RAP1GAP: variants seen among roughly 807,000 people sequenced by gnomAD.
RAP1GAP encodes the protein RAP1 GTPase activating protein.
Under a neutral mutation model 87.2 loss-of-function variants are expected in RAP1GAP, and 35 were observed. The observed-to-expected ratio is 0.40, with a 90% CI of 0.31 to 0.53. The LOEUF is 0.53. Ranked by LOEUF, RAP1GAP falls within the 20% of genes least tolerant of loss-of-function variation. The pLI, the probability that RAP1GAP is intolerant of heterozygous loss-of-function variation, is 0.48. For missense variants in RAP1GAP, 734 were observed against 898.9 expected, an observed-to-expected ratio of 0.82 and a Z score of 2.35; for synonymous variants, 375 against 363.9, an observed-to-expected ratio of 1.03 and a Z score of -0.35.
chr1:21,651,225 A>C (rs2096536741), intron 1 of RAP1GAP, among the ~76,000 whole-genome samples: 1 of 152,212 alleles, frequency 6.6e-6, no homozygotes, highest in African/African-American at 2.4e-5. Flanking sequence ...CCTGAGAGCC[A>C]GGATGCAGGA....
intron 22 of RAP1GAP, 49 bp from the exon 23 acceptor site, chr1:21,598,113 C>T (rs1185341676): frequency 2.4e-6 from 3 of 1,271,998 alleles, no homozygotes; most frequent in Admixed American, 2.5e-5. Context: ...CGGGGAGGCA[C>T]CAGGGAGACG....
intron 2 of RAP1GAP, among the ~76,000 whole-genome samples, chr1:21,643,536 G>C (rs1181220211): frequency 7.4e-6 from 1 of 135,728 alleles, no homozygotes; most frequent in Non-Finnish European, 1.5e-5. Context: ...CAGCCTGGGC[G>C]AGACAGCAAG....
rs757636871 is a variant in RAP1GAP, at chr1:21,603,876, C to T, written c.1429-963G>A. On this transcript the variant is annotated intron_variant, in intron 18 of 24. Coordinates refer to ENST00000374765, the MANE Select transcript of RAP1GAP (RefSeq NM_002885.4). This position sits in a 1 kb window ranked among gnomAD's most constrained non-coding sequence, Gnocchi z 6.0. Reference sequence around the variant, plus strand: ...ATGCCTATGGCACTGCCCCGGCGTCCGAATCTACTCGCACTTTTCCCAGGA... The same window carrying T: ...ATGCCTATGGCACTGCCCCGGCGTCTGAATCTACTCGCACTTTTCCCAGGA... The T allele has an allele frequency of 5.8e-5, 92 of 1,574,602 alleles. No homozygotes were observed. Among genetic ancestry groups the T allele is most frequent in the East Asian group, 1.2e-4 (5 of 43,188 alleles).
At chr1:21,632,402 C>T (rs1391770688) in intron 2 of RAP1GAP, among the ~76,000 whole-genome samples, 3 of 152,190 alleles carry the variant, frequency 2.0e-5, no homozygotes, top group Admixed American at 6.5e-5. Flanking sequence ...CTGCTCACTC[C>T]TGGGACTCTC....
Position 21,609,467 on chromosome 1 carries a change from C to A in RAP1GAP, c.1071+108G>T. On this transcript the variant is annotated intron_variant, in intron 15 of 24. Coordinates refer to ENST00000374765, the MANE Select transcript of RAP1GAP (RefSeq NM_002885.4). This position sits in a 1 kb window ranked among gnomAD's most constrained non-coding sequence, Gnocchi z 4.4. ...TTGCAGTTAGGGGAGCCCAGCTGCC[C>A]TGGCATACAATGAGACTTTGGGACC... The A allele has an allele frequency of 1.6e-6, 1 of 633,980 alleles. No individual in the cohort carries two copies. The highest frequency in any genetic ancestry group is 2.5e-6 in the Non-Finnish European group (1 of 394,254). 39.3% of individuals were successfully genotyped at this position (633,980 alleles called of 1,614,324 possible). A position where few individuals can be genotyped will look rare whatever the true frequency, so the allele number is the denominator to read the frequency against.
At chr1:21,642,875 TACACACACACACACAC>T (rs61497285) in intron 2 of RAP1GAP, among the ~76,000 whole-genome samples, 1 of 134,226 alleles carries the variant, frequency 7.5e-6, no homozygotes, top group Non-Finnish European at 1.6e-5. Flanking sequence ...CCTTCCCCAC[TACACACACACACACAC>T]ACACACACAC....
chr1:21,620,115 C>T (rs1421378173), intron 3 of RAP1GAP, 65 bp from the exon 4 acceptor site: 31 of 1,582,358 alleles, frequency 2.0e-5, no homozygotes, highest in East Asian at 1.3e-4. Flanking sequence ...AGTCTCCACC[C>T]GCCCCGGCCC....
intron 1 of RAP1GAP, chr1:21,651,412 GCACACACGCATGCA>G (rs1168848089): frequency 1.8e-6 from 1 of 550,546 alleles, no homozygotes; most frequent in Non-Finnish European, 3.7e-6. Context: ...GAGCAGTTGC[GCACACACGCATGCA>G]CACACACGCG....
chr1:21,641,586 C>A (rs989673367), intron 2 of RAP1GAP, among the ~76,000 whole-genome samples: 1 of 152,222 alleles, frequency 6.6e-6, no homozygotes, highest in African/African-American at 2.4e-5. Context: ...ACTGCTGCAT[C>A]CCCAGTTCTT....
chr1:21,608,456 G>A, intron 16 of RAP1GAP, 106 bp from the exon 17 acceptor site: 5 of 1,405,880 alleles, frequency 3.6e-6, no homozygotes, highest in South Asian at 1.4e-5. Flanking sequence ...TTCTCTGAAT[G>A]AGTGGGGAGT....
At chr1:21,647,200 A>G (rs924407657) in intron 2 of RAP1GAP, among the ~76,000 whole-genome samples, 3 of 152,174 alleles carry the variant, frequency 2.0e-5, no homozygotes, top group Non-Finnish European at 4.4e-5. Context: ...GGCTAAGTTG[A>G]GCTCAAATGT....
intron 1 of RAP1GAP, among the ~76,000 whole-genome samples, chr1:21,662,205 T>C (rs1382018959): frequency 6.6e-6 from 1 of 152,230 alleles, no homozygotes; most frequent in Non-Finnish European, 1.5e-5. Flanking sequence ...CTTGCCTCTA[T>C]GAACCTCAGT....
At chr1:21,600,542 C>T (rs755485279) in intron 20 of RAP1GAP, among the ~76,000 whole-genome samples, 1 of 152,136 alleles carries the variant, frequency 6.6e-6, no homozygotes, top group Non-Finnish European at 1.5e-5. Context: ...TAAAGCATCG[C>T]CCTCGTAATT....
intron 1 of RAP1GAP, among the ~76,000 whole-genome samples, chr1:21,662,550 C>T (rs116441848): frequency 0.015 from 2,325 of 152,174 alleles, 24 homozygotes; most frequent in Middle Eastern, 0.031. Flanking sequence ...GCACTGGGCC[C>T]CAGGGATAGG....
rs2084476703 is a variant in RAP1GAP at position 21,619,000 on chromosome 1, G to A, written c.66+25C>T. On this transcript the variant is annotated intron_variant, in intron 5 of 24. Transcript: ENST00000374765. ...GGACCCCCTCCACCCCCTAGAGAGG[G>A]AGGCAGACTGCCAGGCCCACCTACT... 4 of 1,584,572 alleles carry A rather than the reference G, an allele frequency of 2.5e-6. No individual in the cohort carries two copies. The South Asian group carries it at 4.6e-5, about 18-fold the overall frequency.
chr1:21,608,945 T>TC lies in RAP1GAP; in HGVS notation c.1072-10dup. 1 of 1,605,744 alleles carries TC rather than the reference T, an allele frequency of 6.2e-7. No individual in the cohort carries two copies. Among genetic ancestry groups the TC allele is most frequent in the South Asian group, 1.1e-5 (1 of 90,888 alleles). On this transcript the variant is annotated splice_polypyrimidine_tract_variant and intron_variant, in intron 15 of 24. Coordinates refer to ENST00000374765, the MANE Select transcript of RAP1GAP (RefSeq NM_002885.4). ...TCCTGGAACTCAGGCCCCTGGAAAC[T>TC]CCCAGTGTGGAGGAGATAAGGAAGG...
rs1645382360 is a variant in RAP1GAP at position 21,596,806 on chromosome 1, A to C, written c.*493T>G. On this transcript the variant is annotated 3_prime_UTR_variant, in exon 25 of 25. Transcript: ENST00000374765. ...CAGAGAGGGAGAGTGACTTGCCCAGAGTCACACAGCAGAACCCAAATTGGA... is the reference window on the plus strand; with the variant it reads ...CAGAGAGGGAGAGTGACTTGCCCAGCGTCACACAGCAGAACCCAAATTGGA... 6.6e-6 allele frequency: 1 copy of C among 152,346 alleles called. No homozygotes were observed. The highest frequency in any genetic ancestry group is 1.5e-5 in the Non-Finnish European group (1 of 68,128). 9.4% of individuals were successfully genotyped at this position (152,346 alleles called of 1,614,324 possible). A position where few individuals can be genotyped will look rare whatever the true frequency, so the allele number is the denominator to read the frequency against.
At chr1:21,602,069 C>T (rs924201496) in intron 19 of RAP1GAP, among the ~76,000 whole-genome samples, 22 of 152,206 alleles carry the variant, frequency 1.4e-4, no homozygotes, top group Non-Finnish European at 7.4e-5. Flanking sequence ...GGATAAGGAA[C>T]CTGCCCAGGG....
chr1:21,668,447 C>T lies in RAP1GAP; in HGVS notation c.-149+807G>A, dbSNP rs1375363110. The T allele has an allele frequency of 1.3e-5, 2 of 152,506 alleles. No homozygotes were observed. The highest frequency in any genetic ancestry group is 2.9e-5 in the Non-Finnish European group (2 of 68,296). The allele number at this position is 152,506 out of a possible 1,614,324, so 9.4% of individuals were successfully genotyped here. A position where few individuals can be genotyped will look rare whatever the true frequency, so the allele number is the denominator to read the frequency against. On this transcript the variant is annotated intron_variant, in intron 1 of 24. Coordinates refer to ENST00000374765, the MANE Select transcript of RAP1GAP (RefSeq NM_002885.4). This position sits in a 1 kb window ranked among gnomAD's most constrained non-coding sequence, Gnocchi z 6.2. Reference sequence around the variant, plus strand: ...CCACCACCGGGCCTGTGCTATGACCCCAACAAGGACTCCGAGGGCATGCAC... The same window carrying T: ...CCACCACCGGGCCTGTGCTATGACCTCAACAAGGACTCCGAGGGCATGCAC...
Sources: gnomAD v4.1 joint callset for allele counts (sites outside exome capture counted in the v4.1 genomes callset) on GRCh38, gnomAD v4.1.1 for gene constraint, Gnocchi (gnomAD v3.1) non-coding constraint, MANE v1.5 for transcripts, NCBI Gene and HGNC (gene_info 2026-07-23, HGNC 2026-07-21) for gene names.